The following THSD7A variants were observed in gnomAD, a reference collection of about 807,000 sequenced individuals.
THSD7A encodes thrombospondin type 1 domain containing 7A.
A neutral mutation model predicts 231.3 loss-of-function variants in THSD7A; 96 were observed. The observed-to-expected ratio is 0.41, with a 90% CI of 0.35 to 0.49. The LOEUF is 0.49. Ranked by LOEUF, THSD7A falls within the 20% of genes least tolerant of loss-of-function variation. The probability of loss-of-function intolerance (pLI) is 0.05; values close to 1 mark genes in which losing one functional copy is unlikely to be tolerated. For missense variants in THSD7A, 2,290 were observed against 2,070.2 expected (o/e 1.11, Z -2.06); for synonymous variants, 940 against 743.3 (o/e 1.26, Z -4.30).
At chr7:11,746,994 T>C (rs988506677) in intron 1 of THSD7A, among the ~76,000 whole-genome samples, 1 of 151,928 alleles carries the variant, frequency 6.6e-6, no homozygotes. Context: ...CATATCCACA[T>C]TACAAAGTAA....
At chr7:11,652,768 T>G (rs1328944650) in intron 1 of THSD7A, among the ~76,000 whole-genome samples, 4 of 151,936 alleles carry the variant, frequency 2.6e-5, no homozygotes, top group Admixed American at 6.6e-5. Context: ...CTAAAGAAAC[T>G]GAATTTATGG....
At chr7:11,407,666 G>A (rs1003366103) in intron 19 of THSD7A, among the ~76,000 whole-genome samples, 1 of 152,176 alleles carries the variant, frequency 6.6e-6, no homozygotes, top group Admixed American at 6.5e-5. Flanking sequence ...TATTGTTTAA[G>A]TGTTTTCAAT....
intron 4 of THSD7A, among the ~76,000 whole-genome samples, chr7:11,586,862 T>A (rs1204049039): frequency 6.6e-6 from 1 of 152,128 alleles, no homozygotes; most frequent in Non-Finnish European, 1.5e-5. Flanking sequence ...TGTTGCTATA[T>A]CTCATTCTAT....
intron 24 of THSD7A, among the ~76,000 whole-genome samples, chr7:11,381,049 G>C (rs1236351279): frequency 6.6e-6 from 1 of 152,092 alleles, no homozygotes; most frequent in African/African-American, 2.4e-5. Context: ...GGATCATCTA[G>C]AGAAGCTGTT....
At chr7:11,563,228 G>C (rs1790150025) in intron 4 of THSD7A, among the ~76,000 whole-genome samples, 1 of 151,990 alleles carries the variant, frequency 6.6e-6, no homozygotes, top group Non-Finnish European at 1.5e-5. Flanking sequence ...TGTTTTCAAA[G>C]CTCATACATT....
intron 1 of THSD7A, among the ~76,000 whole-genome samples, chr7:11,820,082 TGCGTTGTGTTCCGCTCAAGA>T (rs148764353): frequency 0.02 from 3,033 of 151,338 alleles, 105 homozygotes; most frequent in African/African-American, 0.07. Flanking sequence ...TAAAGCCCAA[TGCGTTGTGTTCCGCTCAAGA>T]GCTGGGCCTG....
chr7:11,802,508 A>G (rs190257229), intron 1 of THSD7A, among the ~76,000 whole-genome samples: 53 of 152,248 alleles, frequency 3.5e-4, no homozygotes, highest in Non-Finnish European at 4.7e-4. Flanking sequence ...ATCCTGGGGA[A>G]TCAGCTCATT....
At chr7:11,399,318 C>T (rs1300171815) in intron 23 of THSD7A, among the ~76,000 whole-genome samples, 1 of 152,188 alleles carries the variant, frequency 6.6e-6, no homozygotes, top group Non-Finnish European at 1.5e-5. Flanking sequence ...AAAAGCTATT[C>T]ACCGAATTAT....
intron 1 of THSD7A, among the ~76,000 whole-genome samples, chr7:11,772,581 G>C (rs766380297): frequency 6.6e-5 from 10 of 152,108 alleles, no homozygotes; most frequent in Non-Finnish European, 1.3e-4. Flanking sequence ...GATGCAGCTG[G>C]AGGCCATTAT....
intron 1 of THSD7A, among the ~76,000 whole-genome samples, chr7:11,698,124 G>A (rs760493486): frequency 6.6e-6 from 1 of 151,252 alleles, no homozygotes; most frequent in Non-Finnish European, 1.5e-5. Context: ...TTCCAAAATG[G>A]CAATTTGTTG....
intron 4 of THSD7A, among the ~76,000 whole-genome samples, chr7:11,569,148 A>T (rs1174934235): frequency 6.6e-6 from 1 of 152,170 alleles, no homozygotes; most frequent in African/African-American, 2.4e-5. Flanking sequence ...TATGGTTAAG[A>T]CTTCAAAAGC....
At position 11,637,837 on chromosome 7, in the gene THSD7A, T is replaced by G. The variant is rs1347135916; in HGVS notation, c.191-876A>C. ...AAACTTTATATTCACATATATTATT[T>G]TTTTCTAAGGTAGATGATATGATTT... On this transcript the variant is annotated intron_variant, in intron 1 of 27. Transcript: ENST00000423059. This position sits in a 1 kb window ranked among gnomAD's most constrained non-coding sequence, Gnocchi z 4.2. Among the ~76,000 whole-genome samples, 5 of 152,200 alleles carry G rather than the reference T, an allele frequency of 3.3e-5. No homozygotes were observed. Among genetic ancestry groups the G allele is most frequent in the African/African-American group, 1.2e-4 (5 of 41,462 alleles).
intron 1 of THSD7A, among the ~76,000 whole-genome samples, chr7:11,724,569 C>G (rs1308921728): frequency 6.6e-6 from 1 of 151,836 alleles, no homozygotes; most frequent in Admixed American, 6.6e-5. Context: ...ACCCCCACAC[C>G]TACAAAATGT....
At chr7:11,546,109 C>A (rs542924369) in intron 4 of THSD7A, among the ~76,000 whole-genome samples, 2 of 152,184 alleles carry the variant, frequency 1.3e-5, no homozygotes, top group East Asian at 3.9e-4. Flanking sequence ...CAGATGGACC[C>A]TCCCCAGCAT....
chr7:11,751,560 T>C (rs1007834009), intron 1 of THSD7A, among the ~76,000 whole-genome samples: 2 of 151,898 alleles, frequency 1.3e-5, no homozygotes, highest in Admixed American at 1.3e-4. Context: ...AGAGTCCAGG[T>C]GGTCAAAATG....
chr7:11,462,021 G>A lies in THSD7A; in HGVS notation c.2491C>T (p.Gln831Ter). 6.2e-7 allele frequency: 1 copy of A among 1,613,270 alleles called. No individual in the cohort carries two copies. The highest frequency in any genetic ancestry group is 8.5e-7 in the Non-Finnish European group (1 of 1,179,452). ...TTTCTCTAACCCTACCTGTAGCTTTGGCACGCTTGAGGTGCCTCACAGGCC... is the reference window on the plus strand; with the variant it reads ...TTTCTCTAACCCTACCTGTAGCTTTAGCACGCTTGAGGTGCCTCACAGGCC... ...EKACEAPQAC[Q>*]SYRWKTHKWR... The change falls in exon 10 of 28, where the codon CAA (glutamine) becomes TAA (stop). Residue 831 changes from glutamine to a stop codon, truncating the protein, a stop_gained. Transcript: ENST00000423059. LOFTEE classifies it high-confidence loss of function.
chr7:11,397,875 G>A (rs1783249661), intron 23 of THSD7A, among the ~76,000 whole-genome samples: 1 of 152,168 alleles, frequency 6.6e-6, no homozygotes, highest in Non-Finnish European at 1.5e-5. Flanking sequence ...AATTAGAATA[G>A]TGATCATTTA....
intron 4 of THSD7A, among the ~76,000 whole-genome samples, chr7:11,556,369 T>C (rs1789845025): frequency 6.6e-6 from 1 of 151,696 alleles, no homozygotes; most frequent in African/African-American, 2.4e-5. Flanking sequence ...GATATTTTCA[T>C]TTTGCTAGTT....
chr7:11,827,206 A>G (rs1785058642), intron 1 of THSD7A, among the ~76,000 whole-genome samples: 1 of 152,096 alleles, frequency 6.6e-6, no homozygotes, highest in Non-Finnish European at 1.5e-5. Context: ...TTAATATCTG[A>G]AATTCTGGGC....
Sources: allele counts gnomAD v4.1 joint callset (sites outside exome capture counted in the v4.1 genomes callset), GRCh38; gene constraint gnomAD v4.1.1; non-coding constraint Gnocchi (gnomAD v3.1); transcripts MANE v1.5; gene names NCBI Gene and HGNC (gene_info 2026-07-23, HGNC 2026-07-21).